RARB: variants seen among roughly 807,000 people sequenced by gnomAD.
The protein encoded by RARB is HBV-activated protein.
A neutral mutation model predicts 51.9 loss-of-function variants in RARB; 17 were observed. The ratio of observed to expected loss-of-function variants is 0.33; its 90% CI spans 0.22 to 0.49. The LOEUF is 0.49. Among genes scored for constraint, RARB ranks in the 20% least tolerant of loss-of-function variants. The probability of loss-of-function intolerance (pLI) is 0.99; values close to 1 mark genes in which losing one functional copy is unlikely to be tolerated. For synonymous variants in RARB, 215 were observed against 195.4 expected (o/e 1.10, Z -0.84); for missense variants, 369 against 550.8 (o/e 0.67, Z 3.30).
intron 5 of RARB, among the ~76,000 whole-genome samples, chr3:25,328,357 T>C (rs1017923229): frequency 1.3e-5 from 2 of 152,144 alleles, no homozygotes; most frequent in African/African-American, 4.8e-5. Flanking sequence ...CCATCTTTAC[T>C]AAAAATACAA....
chr3:25,062,698 A>G (rs958024927), intron 3 of RARB, among the ~76,000 whole-genome samples: 6 of 151,958 alleles, frequency 3.9e-5, no homozygotes, highest in Admixed American at 1.3e-4. Context: ...TATACAAGAA[A>G]TGTCCGGAAT....
chr3:25,149,362 T>C (rs993911791), intron 4 of RARB, among the ~76,000 whole-genome samples: 11 of 152,250 alleles, frequency 7.2e-5, no homozygotes, highest in African/African-American at 2.2e-4. Flanking sequence ...AATATATTTA[T>C]GTAAATGTAC....
At chr3:25,241,385 A>C (rs893709072) in intron 5 of RARB, among the ~76,000 whole-genome samples, 1 of 152,086 alleles carries the variant, frequency 6.6e-6, no homozygotes, top group South Asian at 2.1e-4. Flanking sequence ...ACGTAGGTAT[A>C]CATGGAACCA....
intron 1 of RARB, among the ~76,000 whole-genome samples, chr3:24,838,641 A>C (rs1418309009): frequency 6.6e-6 from 1 of 152,244 alleles, no homozygotes; most frequent in Non-Finnish European, 1.5e-5. Context: ...AGTTTATTTA[A>C]TTTTATGAGA....
chr3:25,247,895 A>G (rs912862577), intron 5 of RARB, among the ~76,000 whole-genome samples: 1 of 152,242 alleles, frequency 6.6e-6, no homozygotes, highest in African/African-American at 2.4e-5. Context: ...TGTTAGATCC[A>G]TTAGTCTAAA....
At chr3:25,223,912 T>G (rs1701999724) in intron 5 of RARB, among the ~76,000 whole-genome samples, 1 of 152,246 alleles carries the variant, frequency 6.6e-6, no homozygotes, top group African/African-American at 2.4e-5. Flanking sequence ...ACATTTACTA[T>G]GCACTGTCTT....
chr3:24,950,333 T>C, intron 2 of RARB, among the ~76,000 whole-genome samples: 1 of 152,222 alleles, frequency 6.6e-6, no homozygotes. Flanking sequence ...ATACATGTTC[T>C]TCACATAATT....
chr3:25,485,813 C>T (rs1696438706), intron 2 of RARB, among the ~76,000 whole-genome samples: 1 of 152,138 alleles, frequency 6.6e-6, no homozygotes, highest in Non-Finnish European at 1.5e-5. Context: ...CAGAGCATTC[C>T]TGGCTGCTGC....
intron 3 of RARB, among the ~76,000 whole-genome samples, chr3:25,533,382 G>A (rs1362847435): frequency 2.0e-5 from 3 of 152,144 alleles, no homozygotes; most frequent in Non-Finnish European, 2.9e-5. Context: ...AAAGTCAATC[G>A]AAAACACTAA....
chr3:25,008,572 C>T (rs1162851085), intron 2 of RARB, among the ~76,000 whole-genome samples: 1 of 152,098 alleles, frequency 6.6e-6, no homozygotes, highest in African/African-American at 2.4e-5. Context: ...TTGGGCTCAC[C>T]TCAGTAAGAT....
rs374574772 is a variant in RARB, at chr3:24,990,811, C to T, written c.-379-69314C>T. On this transcript the variant is annotated intron_variant, in intron 2 of 11. Coordinates refer to the RARB transcript ENST00000383772. Reference sequence around the variant, plus strand: ...AACTTCAAATTTGACAAGCATCCAACAAATCCCACATGGGATTTTGGTTTG... The same window carrying T: ...AACTTCAAATTTGACAAGCATCCAATAAATCCCACATGGGATTTTGGTTTG... Among the ~76,000 whole-genome samples, 28 of 152,286 alleles carry T rather than the reference C, an allele frequency of 1.8e-4. No homozygotes were observed. The South Asian group carries it at 5.8e-3, about 32-fold the overall frequency.
intron 5 of RARB, among the ~76,000 whole-genome samples, chr3:25,331,031 C>A (rs967041626): frequency 6.6e-6 from 1 of 152,112 alleles, no homozygotes; most frequent in African/African-American, 2.4e-5. Flanking sequence ...GAAGCAAGTC[C>A]TTAGAGACCT....
intron 5 of RARB, among the ~76,000 whole-genome samples, chr3:25,417,125 A>G (rs912326671): frequency 6.6e-6 from 1 of 151,648 alleles, no homozygotes; most frequent in Admixed American, 6.6e-5. Context: ...GCCGCTGGTA[A>G]TGTTCAGAAT....
chr3:25,495,058 C>T (rs1010387630), intron 2 of RARB, among the ~76,000 whole-genome samples: 4 of 152,164 alleles, frequency 2.6e-5, no homozygotes, highest in South Asian at 4.2e-4. Context: ...AGTAAGTGGC[C>T]GAGTCACAGT....
intron 5 of RARB, among the ~76,000 whole-genome samples, chr3:25,406,704 A>T (rs1339982470): frequency 6.6e-6 from 1 of 152,226 alleles, no homozygotes; most frequent in Non-Finnish European, 1.5e-5. Context: ...ATTTTAGGAA[A>T]CACAATTAAG....
chr3:25,574,999 T>C (rs964823678), intron 4 of RARB, among the ~76,000 whole-genome samples: 2 of 152,142 alleles, frequency 1.3e-5, no homozygotes, highest in African/African-American at 4.8e-5. Context: ...AGCCTCAGTT[T>C]CTTGCTAGTA....
chr3:25,078,708 T>C (rs760484435), intron 3 of RARB, among the ~76,000 whole-genome samples: 1 of 152,098 alleles, frequency 6.6e-6, no homozygotes, highest in Admixed American at 6.5e-5. Context: ...ATTTTGTATT[T>C]TTAGTAGAGA....
intron 3 of RARB, among the ~76,000 whole-genome samples, chr3:25,102,685 T>C (rs1394249290): frequency 2.0e-5 from 3 of 152,196 alleles, no homozygotes; most frequent in African/African-American, 7.2e-5. Flanking sequence ...AAATGAGTTA[T>C]GAAAGAGACA....
intron 5 of RARB, among the ~76,000 whole-genome samples, chr3:25,210,605 G>A (rs542009024): frequency 2.1e-4 from 29 of 136,804 alleles, no homozygotes; most frequent in African/African-American, 6.3e-4. Context: ...GTGTAATCTC[G>A]GCTCACTGCA....
Sources: gnomAD v4.1 joint callset for allele counts (sites outside exome capture counted in the v4.1 genomes callset) on GRCh38, gnomAD v4.1.1 for gene constraint, MANE v1.5 for transcripts, NCBI Gene and HGNC (gene_info 2026-07-23, HGNC 2026-07-21) for gene names.